GRM8: variants seen among roughly 807,000 people sequenced by gnomAD.
GRM8 encodes the protein metabotropic glutamate receptor 8.
A neutral mutation model predicts 87.2 loss-of-function variants in GRM8; 47 were observed. The ratio of observed to expected loss-of-function variants is 0.54; its 90% CI spans 0.43 to 0.69. The LOEUF (loss-of-function observed/expected upper bound fraction) is 0.69. GRM8 is among the 30% of genes least tolerant of loss of function. GRM8 has a pLI of 0.00. For missense variants in GRM8, 1,019 were observed against 1,139.2 expected, an observed-to-expected ratio of 0.89 and a Z score of 1.52; for synonymous variants, 396 against 404.5, an observed-to-expected ratio of 0.98 and a Z score of 0.25.
At chr7:126,753,376 G>A (rs1163581621) in intron 7 of GRM8, among the ~76,000 whole-genome samples, 3 of 133,984 alleles carry the variant, frequency 2.2e-5, no homozygotes, top group East Asian at 2.0e-4. Context: ...ATATACGCAC[G>A]CACACACAGG....
In GRM8 at chr7:126,685,217, C is replaced by G. The variant is rs1029980944; in HGVS notation, c.1358-75719G>C. The stretch of plus-strand genomic sequence containing the variant: ...ACTTCCCCTGGGGGACCCCCTGGAG[C>G]CTACCACCCTGGGGGCCACCATGAT... On this transcript the variant is annotated intron_variant, in intron 7 of 10. Coordinates refer to ENST00000339582, the MANE Select transcript of GRM8 (RefSeq NM_000845.3). This position sits in a 1 kb window ranked among gnomAD's most constrained non-coding sequence, Gnocchi z 4.2. Among the ~76,000 whole-genome samples, 2 of 152,174 alleles carry G rather than the reference C, an allele frequency of 1.3e-5. No individual in the cohort carries two copies. The highest frequency in any genetic ancestry group is 2.4e-5 in the African/African-American group (1 of 41,456).
intron 8 of GRM8, among the ~76,000 whole-genome samples, chr7:126,534,683 T>C (rs1378882673): frequency 1.3e-5 from 2 of 152,218 alleles, no homozygotes; most frequent in Non-Finnish European, 2.9e-5. Context: ...TCTATCGAGA[T>C]ACAAGCAGTT....
intron 2 of GRM8, among the ~76,000 whole-genome samples, chr7:127,161,931 A>G (rs1793143231): frequency 6.6e-6 from 1 of 152,138 alleles, no homozygotes; most frequent in Non-Finnish European, 1.5e-5. Context: ...AAAAAAAATT[A>G]TCAGGTAAAT....
At chr7:126,779,153 A>G (rs1289399751) in intron 6 of GRM8, among the ~76,000 whole-genome samples, 1 of 152,084 alleles carries the variant, frequency 6.6e-6, no homozygotes, top group Non-Finnish European at 1.5e-5. Context: ...CAACAGATTA[A>G]TATTTTTGCA....
intron 6 of GRM8, among the ~76,000 whole-genome samples, chr7:126,837,032 C>A (rs1795874596): frequency 6.6e-6 from 1 of 150,510 alleles, no homozygotes; most frequent in South Asian, 2.1e-4. Context: ...TTCACTTTTG[C>A]AAATTGGAAA....
At position 127,177,407 on chromosome 7, in the gene GRM8, C is replaced by T. The variant is rs189189154; in HGVS notation, c.510+65288G>A. Among the ~76,000 whole-genome samples the T allele has an allele frequency of 2.8e-3, 431 of 152,334 alleles. 5 individuals carry two copies. The highest frequency in any genetic ancestry group is 6.8e-3 in the Middle Eastern group (2 of 294). ...CCTGCCTGCACTTGATGGTCCTTCC[C>T]TATCCACCCTGGAAACAGAAGACAA... On this transcript the variant is annotated intron_variant, in intron 2 of 10. Transcript: ENST00000339582.
chr7:126,650,466 A>C (rs117837304), intron 7 of GRM8, among the ~76,000 whole-genome samples: 2,004 of 152,252 alleles, frequency 0.013, 24 homozygotes, highest in Non-Finnish European at 0.022. Flanking sequence ...ACAGCAGTGA[A>C]GGGAAATCTT....
intron 7 of GRM8, among the ~76,000 whole-genome samples, chr7:126,763,496 C>CAA (rs1315458611): frequency 7.4e-6 from 1 of 134,812 alleles, no homozygotes; most frequent in African/African-American, 2.6e-5. Context: ...CACACACACA[C>CAA]AATTGTAGAA....
intron 6 of GRM8, among the ~76,000 whole-genome samples, chr7:126,809,345 G>T (rs1793073716): frequency 6.6e-6 from 1 of 152,090 alleles, no homozygotes; most frequent in African/African-American, 2.4e-5. Flanking sequence ...CTATTATTCT[G>T]CTTACCACAA....
chr7:126,684,910 C>A (rs187912455), intron 7 of GRM8, among the ~76,000 whole-genome samples: 28 of 152,318 alleles, frequency 1.8e-4, no homozygotes, highest in Non-Finnish European at 4.4e-5. Context: ...GCACTAGCAT[C>A]TGGCCTAATG....
At chr7:127,156,197 T>C (rs1448068393) in intron 2 of GRM8, among the ~76,000 whole-genome samples, 8 of 152,154 alleles carry the variant, frequency 5.3e-5, no homozygotes, top group Admixed American at 3.9e-4. Flanking sequence ...GGGCTATGCA[T>C]ATGAGTTGTG....
At chr7:126,763,810 A>C (rs1196885810) in intron 7 of GRM8, among the ~76,000 whole-genome samples, 1 of 151,958 alleles carries the variant, frequency 6.6e-6, no homozygotes, top group Non-Finnish European at 1.5e-5. Context: ...TTCTACTGGA[A>C]TTATAACATG....
At chr7:126,901,410 A>C (rs1446880643) in intron 6 of GRM8, among the ~76,000 whole-genome samples, 1 of 152,136 alleles carries the variant, frequency 6.6e-6, no homozygotes, top group Admixed American at 6.5e-5. Flanking sequence ...TATGTTTATT[A>C]TGGAGTGTCC....
intron 2 of GRM8, among the ~76,000 whole-genome samples, chr7:127,176,159 G>A (rs980733490): frequency 6.6e-6 from 1 of 151,932 alleles, no homozygotes; most frequent in Non-Finnish European, 1.5e-5. Flanking sequence ...GCAAACTCTA[G>A]ACCACTATTA....
Position 126,731,376 on chromosome 7 carries a change from T to A in GRM8, c.1357+38489A>T, listed in dbSNP as rs141741110. Among the ~76,000 whole-genome samples, 156 of 152,244 alleles carry A rather than the reference T, an allele frequency of 1.0e-3. 2 individuals are homozygous for A. The East Asian group carries it at 0.026, about 25-fold the overall frequency. On this transcript the variant is annotated intron_variant, in intron 7 of 10. Coordinates refer to ENST00000339582, the MANE Select transcript of GRM8 (RefSeq NM_000845.3). ...TGAATCATGCCAGAAATTTGAAGAA[T>A]CACCTTTTGCGTTTCCTGATTTCTA...
rs896058135 is a variant in GRM8 at position 126,705,276 on chromosome 7, T to C, written c.1357+64589A>G. 2.1e-4 allele frequency among the ~76,000 whole-genome samples: 32 copies of C among 152,142 alleles called. 1 individual carries two copies. Among genetic ancestry groups the C allele is most frequent in the African/African-American group, 7.5e-4 (31 of 41,436 alleles). ...TATTCTTATAAATATAATCCTAGCA[T>C]TGCAGGATACCATGGGCCATCTTGC... On this transcript the variant is annotated intron_variant, in intron 7 of 10. Coordinates refer to ENST00000339582, the MANE Select transcript of GRM8 (RefSeq NM_000845.3).
At chr7:126,527,121 G>A (rs1260454265) in intron 9 of GRM8, among the ~76,000 whole-genome samples, 1 of 152,232 alleles carries the variant, frequency 6.6e-6, no homozygotes, top group African/African-American at 2.4e-5. Flanking sequence ...CACTTTGGGA[G>A]GCCGAGGCGG....
intron 9 of GRM8, among the ~76,000 whole-genome samples, chr7:126,487,828 TG>T (rs1807553893): frequency 6.6e-6 from 1 of 152,084 alleles, no homozygotes; most frequent in Non-Finnish European, 1.5e-5. Flanking sequence ...TTCTACTTTT[TG>T]CTTGAAAGCT....
intron 6 of GRM8, among the ~76,000 whole-genome samples, chr7:126,800,263 G>A (rs1257526204): frequency 1.3e-5 from 2 of 151,942 alleles, no homozygotes; most frequent in Non-Finnish European, 2.9e-5. Flanking sequence ...ACCCAGGAAG[G>A]AGACCAGCCT....
Sources: allele counts gnomAD v4.1 joint callset (sites outside exome capture counted in the v4.1 genomes callset), GRCh38; gene constraint gnomAD v4.1.1; non-coding constraint Gnocchi (gnomAD v3.1); transcripts MANE v1.5; gene names NCBI Gene and HGNC (gene_info 2026-07-23, HGNC 2026-07-21).